CUBN: variants seen among roughly 807,000 people sequenced by gnomAD.
CUBN encodes cubilin.
CUBN carries 282 observed loss-of-function variants against 405.3 expected under a neutral mutation model. That is an observed-to-expected ratio of 0.70 (90% CI 0.63 to 0.77). The LOEUF is 0.77. Among genes scored for constraint, CUBN ranks in the 30% least tolerant of loss-of-function variants. The pLI is 0.00. For synonymous variants in CUBN, 1,684 were observed against 1,617.0 expected (o/e 1.04, Z -0.99); for missense variants, 4,514 against 4,475.2 (o/e 1.01, Z -0.25).
At chr10:16,956,896 T>A (rs968215009) in intron 31 of CUBN, among the ~76,000 whole-genome samples, 1 of 152,190 alleles carries the variant, frequency 6.6e-6, no homozygotes, top group South Asian at 2.1e-4. Flanking sequence ...TTTTAAGTGA[T>A]GCATAATAAT....
intron 22 of CUBN, among the ~76,000 whole-genome samples, chr10:17,056,604 G>A (rs537784075): frequency 1.2e-3 from 175 of 151,390 alleles, no homozygotes; most frequent in African/African-American, 4.2e-3. Context: ...GTGAGACTCC[G>A]TCTCAAAAAA....
chr10:16,956,582 C>G (rs1363522933), intron 31 of CUBN, among the ~76,000 whole-genome samples: 1 of 151,918 alleles, frequency 6.6e-6, no homozygotes, highest in Non-Finnish European at 1.5e-5. Flanking sequence ...TAATTCAAGT[C>G]TTTATTATCT....
At chr10:16,858,556 A>C (rs1185341672) in intron 59 of CUBN, among the ~76,000 whole-genome samples, 1 of 150,072 alleles carries the variant, frequency 6.7e-6, no homozygotes, top group Non-Finnish European at 1.5e-5. Context: ...TCCTGGCCTC[A>C]AGGGATCCTC....
intron 22 of CUBN, among the ~76,000 whole-genome samples, chr10:17,063,669 C>T (rs1907360): frequency 0.42 from 64,620 of 152,120 alleles, 16,383 homozygotes; most frequent in East Asian, 0.66. Flanking sequence ...CAAAATATTG[C>T]CTTACAAGCT....
chr10:16,844,272 A>C (rs904163447), intron 60 of CUBN, among the ~76,000 whole-genome samples: 18 of 149,904 alleles, frequency 1.2e-4, no homozygotes, highest in African/African-American at 3.9e-4. Context: ...TCTGTCCCCA[A>C]AAAAAAAAAA....
intron 16 of CUBN, among the ~76,000 whole-genome samples, chr10:17,084,994 T>C (rs1248557325): frequency 6.6e-6 from 1 of 152,216 alleles, no homozygotes; most frequent in African/African-American, 2.4e-5. Context: ...ATATTGAAAC[T>C]TAAAAGGTAC....
Position 17,126,617 on chromosome 10 carries a change from G to A in CUBN, c.387+144C>T, listed in dbSNP as rs565569423. The A allele has an allele frequency of 2.8e-3, 2,408 of 870,942 alleles. 63 individuals are homozygous for A. In the South Asian group the frequency reaches 0.032, roughly 11 times the overall value. 54.0% of individuals were successfully genotyped at this position (870,942 alleles called of 1,614,324 possible). ...TGCATCTGCATCCTGGGAAGCACATGCTGGGATGAGAATTAAATTATGGGA... is the reference window on the plus strand; with the variant it reads ...TGCATCTGCATCCTGGGAAGCACATACTGGGATGAGAATTAAATTATGGGA... On this transcript the variant is annotated intron_variant, in intron 4 of 66. Transcript: ENST00000377833.
At chr10:16,920,525 G>C (rs1842005860) in intron 43 of CUBN, among the ~76,000 whole-genome samples, 1 of 152,094 alleles carries the variant, frequency 6.6e-6, no homozygotes, top group Admixed American at 6.6e-5. Flanking sequence ...GAATGATGCA[G>C]AGCTATGATC....
chr10:16,950,134 C>A, intron 33 of CUBN, 23 bp from the exon 34 acceptor site: 1 of 1,557,978 alleles, frequency 6.4e-7, no homozygotes, highest in Non-Finnish European at 8.8e-7. Flanking sequence ...AGAGAAGACT[C>A]TCTCGTAAAG....
intron 56 of CUBN, among the ~76,000 whole-genome samples, chr10:16,885,591 C>G (rs967530743): frequency 6.6e-6 from 1 of 152,022 alleles, no homozygotes; most frequent in Non-Finnish European, 1.5e-5. Context: ...AAATGCTGTG[C>G]TCACTTTCCC....
At chr10:16,948,414 A>T in intron 35 of CUBN, 64 bp downstream of exon 35, 1 of 1,609,796 alleles carries the variant, frequency 6.2e-7, no homozygotes, top group South Asian at 1.1e-5. Flanking sequence ...AGTCCCCAAT[A>T]ACAAACCAAG....
At chr10:16,918,918 CT>C in intron 44 of CUBN, 118 bp from the exon 45 acceptor site, 1 of 983,262 alleles carries the variant, frequency 1.0e-6, no homozygotes, top group Non-Finnish European at 1.6e-6. Context: ...GCATAAAAAA[CT>C]ATGATAGAAT....
chr10:16,984,082 G>C, intron 30 of CUBN, 23 bp downstream of exon 30: 4 of 1,613,886 alleles, frequency 2.5e-6, no homozygotes, highest in Admixed American at 1.7e-5. Flanking sequence ...AAGTACTTTA[G>C]GAAACCTCCT....
In CUBN at chr10:16,876,991, T is replaced by C. The variant is rs1440147369; in HGVS notation, c.9012A>G (p.Pro3004=). 1.2e-6 allele frequency: 2 copies of C among 1,614,096 alleles called. No homozygotes were observed. Among genetic ancestry groups the C allele is most frequent in the African/African-American group, 1.3e-5 (1 of 75,038 alleles). The change falls in exon 57 of 67, where the codon CCA becomes CCG. Residue 3004 remains proline, a synonymous_variant. Transcript: ENST00000377833. The stretch of plus-strand genomic sequence containing the variant: ...CCGGCCCAGCGATGGTGAGGGGAGC[T>C]GGCATCTCATCCCCACACACAGTAG... The part of the protein sequence containing the change: ...PFATVCGDEM[P]APLTIAGPVL...
chr10:16,832,493 A>G (rs1037539782), intron 64 of CUBN, among the ~76,000 whole-genome samples: 18 of 152,178 alleles, frequency 1.2e-4, no homozygotes, highest in African/African-American at 3.1e-4. Flanking sequence ...GTTTAAACAA[A>G]GTAACCTTGC....
At chr10:16,920,457 C>T (rs1005118526) in intron 43 of CUBN, among the ~76,000 whole-genome samples, 6 of 152,142 alleles carry the variant, frequency 3.9e-5, no homozygotes, top group African/African-American at 1.4e-4. Context: ...TCCACCACTT[C>T]GATAAGCATG....
At position 16,961,805 on chromosome 10, in the gene CUBN, G is replaced by A. The variant is rs373796961; in HGVS notation, c.4696-7257C>T. Among the ~76,000 whole-genome samples, 1,070 of 146,310 alleles carry A rather than the reference G, an allele frequency of 7.3e-3. 16 individuals are homozygous for A. Among genetic ancestry groups the A allele is most frequent in the African/African-American group, 0.026 (1,032 of 39,310 alleles). ...CGACTCACTGCAACCTCCGCCTCCC[G>A]GGTTCACGCCATTCTCCTGCCTCAG... is the stretch of plus-strand genomic sequence containing the variant. On this transcript the variant is annotated intron_variant, in intron 31 of 66. Transcript: ENST00000377833.
chr10:16,872,425 A>G (rs1378137037), intron 58 of CUBN, among the ~76,000 whole-genome samples: 1 of 151,888 alleles, frequency 6.6e-6, no homozygotes, highest in Non-Finnish European at 1.5e-5. Context: ...TATGTATACC[A>G]TGGTTGGAAT....
chr10:17,031,041 T>C (rs948706740), intron 27 of CUBN, among the ~76,000 whole-genome samples: 2 of 152,212 alleles, frequency 1.3e-5, no homozygotes, highest in Non-Finnish European at 2.9e-5. Flanking sequence ...CGAACACTCC[T>C]GTTAGTCACT....
Sources: gnomAD v4.1 joint callset for allele counts (sites outside exome capture counted in the v4.1 genomes callset) on GRCh38, gnomAD v4.1.1 for gene constraint, MANE v1.5 for transcripts, NCBI Gene and HGNC (gene_info 2026-07-23, HGNC 2026-07-21) for gene names.